The following NPSR1 variants were observed in gnomAD, a reference collection of about 807,000 sequenced individuals.
NPSR1 encodes neuropeptide S receptor 1.
NPSR1 carries 48 observed loss-of-function variants against 46.9 expected under a neutral mutation model. The observed-to-expected ratio is 1.02, with a 90% CI of 0.81 to 1.30. The LOEUF (loss-of-function observed/expected upper bound fraction) is 1.30. NPSR1 is among the 50% of genes most tolerant of loss of function. NPSR1 has a pLI of 0.00. For synonymous variants in NPSR1, 176 were observed against 168.1 expected, an observed-to-expected ratio of 1.05 and a Z score of -0.36; for missense variants, 450 against 449.5, an observed-to-expected ratio of 1.00 and a Z score of -0.01.
intron 6 of NPSR1, among the ~76,000 whole-genome samples, chr7:34,838,937 T>A: frequency 6.6e-6 from 1 of 152,212 alleles, no homozygotes; most frequent in East Asian, 1.9e-4. Context: ...TGTCTAGCTA[T>A]CATGGCTTGG....
chr7:34,714,112 G>A (rs897549461), intron 2 of NPSR1, among the ~76,000 whole-genome samples: 2 of 152,228 alleles, frequency 1.3e-5, no homozygotes, highest in South Asian at 4.1e-4. Context: ...CCAGCTGTCC[G>A]CTGGAAGTCT....
In NPSR1 at chr7:34,696,457, A is replaced by C. The variant is rs567854291; in HGVS notation, c.280+11773A>C. On this transcript the variant is annotated intron_variant, in intron 2 of 8. Coordinates refer to ENST00000360581, the MANE Select transcript of NPSR1 (RefSeq NM_207172.2). ...CTGTGTATTACAATATGCCTGTGTA[A>C]AAAACTGCACACATATGCCTGGAAT... Among the ~76,000 whole-genome samples the C allele has an allele frequency of 2.0e-5, 3 of 152,218 alleles. No individual in the cohort carries two copies. The East Asian group carries it at 5.8e-4, about 29-fold the overall frequency.
chr7:34,670,481 A>G (rs1285117501), intron 1 of NPSR1, among the ~76,000 whole-genome samples: 1 of 151,944 alleles, frequency 6.6e-6, no homozygotes, highest in African/African-American at 2.4e-5. Flanking sequence ...AAAATTATAT[A>G]ATGATGACAC....
chr7:34,849,233 A>G (rs1790852293), intron 8 of NPSR1: 1 of 841,292 alleles, frequency 1.2e-6, no homozygotes, highest in African/African-American at 1.7e-5. Context: ...GTTGAAGTTT[A>G]TATCTTGCCA....
In NPSR1 at chr7:34,827,472, A is replaced by G. The variant is rs1225904473; in HGVS notation, c.550A>G (p.Ile184Val). ...SFLFSIPTLI[I>V]FGKRTLSNGE... Reference sequence around the variant, plus strand: ...TCTGTTCTCCATTCCCACCCTGATCATATTTGGGAAGAGGACACTGTCCAA... The same window carrying G: ...TCTGTTCTCCATTCCCACCCTGATCGTATTTGGGAAGAGGACACTGTCCAA... Residue 184 changes from isoleucine (I) to valine (V), a missense_variant, in exon 5 of 9, where the codon ATA becomes GTA. By Grantham distance (29) the Ile-to-Val change is conservative (BLOSUM62 3). Transcript: ENST00000360581. 2.5e-6 allele frequency: 4 copies of G among 1,613,958 alleles called. No individual in the cohort carries two copies. Among genetic ancestry groups the G allele is most frequent in the Admixed American group, 3.3e-5 (2 of 60,016 alleles).
chr7:34,815,380 T>G (rs1789192733), intron 4 of NPSR1, among the ~76,000 whole-genome samples: 1 of 151,998 alleles, frequency 6.6e-6, no homozygotes, highest in African/African-American at 2.4e-5. Context: ...GAAAAAAGAT[T>G]AAAAAGAAAC....
chr7:34,825,153 G>A (rs1331216646), intron 4 of NPSR1, among the ~76,000 whole-genome samples: 1 of 152,090 alleles, frequency 6.6e-6, no homozygotes, highest in East Asian at 1.9e-4. Context: ...TACCGTTCTA[G>A]ACCACCTCCA....
intron 3 of NPSR1, among the ~76,000 whole-genome samples, chr7:34,788,076 G>A (rs943988736): frequency 1.3e-5 from 2 of 152,082 alleles, no homozygotes; most frequent in Non-Finnish European, 2.9e-5. Flanking sequence ...AGGTATATTT[G>A]TAGTGTGTTA....
intron 2 of NPSR1, among the ~76,000 whole-genome samples, chr7:34,747,545 T>A (rs1785269945): frequency 6.6e-6 from 1 of 152,170 alleles, no homozygotes; most frequent in Non-Finnish European, 1.5e-5. Context: ...AAGTGCAAGG[T>A]GGAATCAGAG....
chr7:34,720,998 G>A (rs780420534), intron 2 of NPSR1, among the ~76,000 whole-genome samples: 23 of 152,226 alleles, frequency 1.5e-4, no homozygotes, highest in South Asian at 6.2e-4. Flanking sequence ...AAAAAATTAT[G>A]TATATGTAAA....
chr7:34,821,632 CATG>C (rs1789564554), intron 4 of NPSR1, among the ~76,000 whole-genome samples: 1 of 152,084 alleles, frequency 6.6e-6, no homozygotes, highest in African/African-American at 2.4e-5. Flanking sequence ...CAGAGGGTGA[CATG>C]ATGAATTACA....
At position 34,802,836 on chromosome 7, in the gene NPSR1, C is replaced by A. The variant is rs1025204834; in HGVS notation, c.385-8934C>A. ...TACTCATCTGACAAAGGGCTAATAT[C>A]CAGAATCTACAATGAACTCAAACAA... On this transcript the variant is annotated intron_variant, in intron 3 of 8. Transcript: ENST00000360581. Among the ~76,000 whole-genome samples, 13 of 150,386 alleles carry A rather than the reference C, an allele frequency of 8.6e-5. 1 individual carries two copies. Among genetic ancestry groups the A allele is most frequent in the African/African-American group, 3.0e-4 (12 of 39,746 alleles).
chr7:34,822,942 TAAAC>T (rs747254574), intron 4 of NPSR1, among the ~76,000 whole-genome samples: 114 of 152,210 alleles, frequency 7.5e-4, no homozygotes, highest in Non-Finnish European at 1.5e-3. Context: ...TAAATATCCA[TAAAC>T]AAACTTAAAA....
chr7:34,857,306 A>G (rs1791072445), intron 8 of NPSR1, among the ~76,000 whole-genome samples: 1 of 151,678 alleles, frequency 6.6e-6, no homozygotes, highest in Non-Finnish European at 1.5e-5. Flanking sequence ...AATAGCCACG[A>G]CACTGTTGAC....
chr7:34,856,036 C>T (rs1219922707), intron 8 of NPSR1, among the ~76,000 whole-genome samples: 1 of 152,072 alleles, frequency 6.6e-6, no homozygotes, highest in South Asian at 2.1e-4. Context: ...AAGAAAGCTA[C>T]AGGAAACCTA....
chr7:34,834,280 G>C (rs1025986392), intron 5 of NPSR1, 104 bp from the exon 6 acceptor site: 1 of 818,316 alleles, frequency 1.2e-6, no homozygotes, highest in Middle Eastern at 2.4e-4. Context: ...TAAAAGATCT[G>C]TCCCTTCACA....
In NPSR1 at chr7:34,751,597, C is replaced by T. The variant is rs529047075; in HGVS notation, c.281-26865C>T. The T allele has an allele frequency of 5.6e-5, 89 of 1,602,368 alleles. 1 individual carries two copies. In the East Asian group the frequency reaches 1.2e-3, roughly 22 times the overall value. ...GTGCTCCTGTTCTTCCCGGAGAACT[C>T]GGCGCTGACAGAGCTCTCCACTCAC... On this transcript the variant is annotated intron_variant, in intron 2 of 8. Transcript: ENST00000360581.
intron 4 of NPSR1, among the ~76,000 whole-genome samples, chr7:34,826,451 A>G (rs1789845934): frequency 6.6e-6 from 1 of 152,092 alleles, no homozygotes; most frequent in African/African-American, 2.4e-5. Context: ...AACCCCACCC[A>G]AAGACACACA....
At chr7:34,862,258 T>C (rs1208138855) in intron 8 of NPSR1, among the ~76,000 whole-genome samples, 1 of 151,658 alleles carries the variant, frequency 6.6e-6, no homozygotes, top group African/African-American at 2.4e-5. Context: ...TGGGCAGTTC[T>C]TCCTCCAAGC....
Sources: gnomAD v4.1 joint callset for allele counts (sites outside exome capture counted in the v4.1 genomes callset) on GRCh38, gnomAD v4.1.1 for gene constraint, MANE v1.5 for transcripts, NCBI Gene and HGNC (gene_info 2026-07-23, HGNC 2026-07-21) for gene names.